The following TXNL1 variants were observed in gnomAD, a reference collection of about 807,000 sequenced individuals.
TXNL1 encodes the protein thioredoxin like 1.
TXNL1 carries 14 observed loss-of-function variants against 35.5 expected under a neutral mutation model. That is an observed-to-expected ratio of 0.39 (90% CI 0.26 to 0.62). The LOEUF (loss-of-function observed/expected upper bound fraction) is 0.62. Ranked by LOEUF, TXNL1 falls within the 20% of genes least tolerant of loss-of-function variation. The pLI is 0.47. For synonymous variants in TXNL1, 110 were observed against 115.5 expected (o/e 0.95, Z 0.31); for missense variants, 263 against 349.7 (o/e 0.75, Z 1.98).
At chr18:56,630,767 T>C (rs1193335009) in intron 1 of TXNL1, among the ~76,000 whole-genome samples, 1 of 152,212 alleles carries the variant, frequency 6.6e-6, no homozygotes, top group African/African-American at 2.4e-5. Context: ...CCATCAGAGG[T>C]TGGAACTTTG....
At chr18:56,633,303 C>T (rs957283411) in intron 1 of TXNL1, among the ~76,000 whole-genome samples, 8 of 151,486 alleles carry the variant, frequency 5.3e-5, no homozygotes, top group Non-Finnish European at 8.8e-5. Context: ...AAAAATTAGC[C>T]GGGCGTGGTG....
intron 3 of TXNL1, among the ~76,000 whole-genome samples, chr18:56,618,535 G>A (rs1183570778): frequency 6.6e-6 from 1 of 151,970 alleles, no homozygotes; most frequent in Non-Finnish European, 1.5e-5. Context: ...AGGACTTAAA[G>A]TTTTTATCAT....
rs1355899334 is a variant in TXNL1, at chr18:56,603,109, G to A, written c.841-53C>T. On this transcript the variant is annotated intron_variant, in intron 7 of 7. Transcript: ENST00000217515. ...TACATCCTATTGATTTTAAATATGA[G>A]TTATTAAAAATACTAATAATCAGTT... 6 of 1,441,016 alleles carry A rather than the reference G, an allele frequency of 4.2e-6. No individual in the cohort carries two copies. The East Asian group carries it at 1.4e-4, about 33-fold the overall frequency. The allele number at this position is 1,441,016 out of a possible 1,614,324, so 89.3% of individuals were successfully genotyped here.
Position 56,638,328 on chromosome 18 carries a change from C to G in TXNL1, c.98+15G>C. The G allele has an allele frequency of 6.2e-7, 1 of 1,602,790 alleles. No individual in the cohort carries two copies. The highest frequency in any genetic ancestry group is 8.5e-7 in the Non-Finnish European group (1 of 1,172,644). ...AGGACAGACGGGGACCCACAGAGCT[C>G]GAGCCTGGCCTCACCCTCTCATGGT... On this transcript the variant is annotated intron_variant, in intron 1 of 7. Transcript: ENST00000217515.
intron 1 of TXNL1, among the ~76,000 whole-genome samples, chr18:56,635,528 G>A (rs1305156501): frequency 1.3e-5 from 2 of 152,166 alleles, no homozygotes; most frequent in African/African-American, 4.8e-5. Context: ...ATATTGTTAC[G>A]ATTTCACTTA....
chr18:56,630,630 A>G (rs2024355746), intron 1 of TXNL1, among the ~76,000 whole-genome samples: 1 of 152,170 alleles, frequency 6.6e-6, no homozygotes, highest in East Asian at 1.9e-4. Context: ...CTATTCATCA[A>G]TTATTTACGA....
At chr18:56,624,115 G>A (rs1218171071) in intron 3 of TXNL1, among the ~76,000 whole-genome samples, 173 bp downstream of exon 3, 2 of 151,980 alleles carry the variant, frequency 1.3e-5, no homozygotes, top group Non-Finnish European at 2.9e-5. Flanking sequence ...ACACACAAAC[G>A]TACACATACA....
intron 6 of TXNL1, among the ~76,000 whole-genome samples, chr18:56,612,824 G>T (rs1241270741): frequency 6.6e-6 from 1 of 151,698 alleles, no homozygotes; most frequent in African/African-American, 2.4e-5. Flanking sequence ...AATTTTCTTT[G>T]ATTTCATTTG....
intron 7 of TXNL1, among the ~76,000 whole-genome samples, chr18:56,607,426 G>C (rs2023917469): frequency 6.6e-6 from 1 of 151,788 alleles, no homozygotes; most frequent in African/African-American, 2.4e-5. Flanking sequence ...GGAAGTGATG[G>C]GATTATAGGC....
intron 6 of TXNL1, among the ~76,000 whole-genome samples, chr18:56,611,838 C>T (rs947582274): frequency 8.6e-6 from 1 of 116,076 alleles, no homozygotes; most frequent in African/African-American, 3.0e-5. Context: ...ACCAGCACAC[C>T]CGGCTAATTT....
chr18:56,622,784 T>G (rs2024209818), intron 3 of TXNL1, among the ~76,000 whole-genome samples: 1 of 152,118 alleles, frequency 6.6e-6, no homozygotes, highest in South Asian at 2.1e-4. Context: ...TACAAAGATA[T>G]AAACACAATG....
At chr18:56,610,048 TGA>T (rs1259468895) in intron 7 of TXNL1, 3 of 152,136 alleles carry the variant, frequency 2.0e-5, no homozygotes, top group African/African-American at 7.2e-5. Flanking sequence ...CCAAAAAGAA[TGA>T]GAGTGCTCAA....
intron 1 of TXNL1, among the ~76,000 whole-genome samples, chr18:56,629,241 ACAGGGGCCAGGCACGCTGGCT>A: frequency 6.6e-6 from 1 of 152,346 alleles, no homozygotes; most frequent in African/African-American, 2.4e-5. Context: ...AAAAGTTATG[ACAGGGGCCAGGCACGCTGGCT>A]CACGCCTATA....
At chr18:56,621,505 T>C (rs954767848) in intron 3 of TXNL1, among the ~76,000 whole-genome samples, 1 of 152,050 alleles carries the variant, frequency 6.6e-6, no homozygotes, top group Non-Finnish European at 1.5e-5. Flanking sequence ...CCACAAAACA[T>C]ATTTAAAGGG....
intron 1 of TXNL1, among the ~76,000 whole-genome samples, chr18:56,632,065 G>T (rs997873889): frequency 6.6e-6 from 1 of 152,150 alleles, no homozygotes; most frequent in African/African-American, 2.4e-5. Context: ...GCCACCACTA[G>T]AACAGGCAAT....
At chr18:56,626,795 G>GTTT (rs1221334957) in intron 1 of TXNL1, among the ~76,000 whole-genome samples, 1 of 29,046 alleles carries the variant, frequency 3.4e-5, no homozygotes, top group Non-Finnish European at 1.1e-4. Flanking sequence ...CACCAAGCCG[G>GTTT]TCTTTTTTTT....
chr18:56,624,173 AG>A (rs2024237569), intron 3 of TXNL1, 114 bp downstream of exon 3: 1 of 1,163,020 alleles, frequency 8.6e-7, no homozygotes, highest in African/African-American at 1.5e-5. Flanking sequence ...CTTATTTAAA[AG>A]TATTCTAAAC....
intron 5 of TXNL1, among the ~76,000 whole-genome samples, chr18:56,614,991 G>GAAAT (rs993345734): frequency 2.0e-5 from 3 of 152,198 alleles, no homozygotes; most frequent in Non-Finnish European, 4.4e-5. Context: ...TTTCATAAAA[G>GAAAT]AAATAGCATT....
Position 56,600,619 on chromosome 18 carries a change from C to G in TXNL1, c.*2408G>C, listed in dbSNP as rs539396893. ...GAACAACGTGGGGCAGGTTTCAACTCTAATTGTTACGTGGCTGCCTCCAAC... is the reference window on the plus strand; with the variant it reads ...GAACAACGTGGGGCAGGTTTCAACTGTAATTGTTACGTGGCTGCCTCCAAC... On this transcript the variant is annotated 3_prime_UTR_variant, in exon 8 of 8. Transcript: ENST00000217515. The G allele has an allele frequency of 3.4e-5, 5 of 147,604 alleles. No homozygotes were observed. The highest frequency in any genetic ancestry group is 1.3e-4 in the African/African-American group (5 of 39,506). 9.1% of individuals were successfully genotyped at this position (147,604 alleles called of 1,614,324 possible). A position where few individuals can be genotyped will look rare whatever the true frequency, so the allele number is the denominator to read the frequency against.
Sources: allele counts gnomAD v4.1 joint callset (sites outside exome capture counted in the v4.1 genomes callset), GRCh38; gene constraint gnomAD v4.1.1; transcripts MANE v1.5; gene names NCBI Gene and HGNC (gene_info 2026-07-23, HGNC 2026-07-21).